The following RB1 variants were observed in gnomAD, a reference collection of about 807,000 sequenced individuals.
The protein encoded by RB1 is retinoblastoma-associated protein.
RB1 carries 18 observed loss-of-function variants against 135.4 expected under a neutral mutation model. The ratio of observed to expected loss-of-function variants is 0.13; its 90% confidence interval spans 0.09 to 0.20. The LOEUF (loss-of-function observed/expected upper bound fraction) is 0.20. RB1 is among the 10% of genes least tolerant of loss of function. RB1 has a pLI of 1.00. For synonymous variants in RB1, 365 were observed against 373.2 expected (o/e 0.98, Z 0.25); for missense variants, 868 against 1,110.0 (o/e 0.78, Z 3.10).
chr13:48,453,122 T>C lies in RB1; in HGVS notation c.1814+11T>C, dbSNP rs771369373. The C allele has an allele frequency of 3.9e-5, 62 of 1,607,706 alleles. No individual in the cohort carries two copies. Among genetic ancestry groups the C allele is most frequent in the Non-Finnish European group, 4.8e-5 (57 of 1,176,662 alleles). ...CACTGCAGCAGATATGTAAGCAAAA[T>C]ATATGTTATGTTGACCATTCAAACT... On this transcript the variant is annotated intron_variant, in intron 18 of 26. Coordinates refer to ENST00000267163, the MANE Select transcript of RB1 (RefSeq NM_000321.3).
In RB1 at chr13:48,377,218, C is replaced by T. The variant is rs185324642; in HGVS notation, c.1332+184C>T. On this transcript the variant is annotated intron_variant, in intron 13 of 26. Coordinates refer to ENST00000267163, the MANE Select transcript of RB1 (RefSeq NM_000321.3). ...TAACTTTATGGAAAACTACCTCCCA[C>T]CCCATTATAAAAACTATGTAATAAA... Among the ~76,000 whole-genome samples, 175 of 152,194 alleles carry T rather than the reference C, an allele frequency of 1.1e-3. 1 individual carries two copies. The South Asian group carries it at 0.018, about 15-fold the overall frequency.
At chr13:48,326,036 A>T (rs1035968760) in intron 2 of RB1, among the ~76,000 whole-genome samples, 1 of 151,954 alleles carries the variant, frequency 6.6e-6, no homozygotes, top group Non-Finnish European at 1.5e-5. Context: ...TTCTCTATCC[A>T]TTGCACTCTA....
At chr13:48,336,988 G>T (rs775001516) in intron 2 of RB1, among the ~76,000 whole-genome samples, 1 of 152,108 alleles carries the variant, frequency 6.6e-6, no homozygotes, top group Non-Finnish European at 1.5e-5. Flanking sequence ...GTAGTTATGC[G>T]GTTTTGAGTG....
At chr13:48,326,781 T>C (rs548716117) in intron 2 of RB1, among the ~76,000 whole-genome samples, 1 of 152,198 alleles carries the variant, frequency 6.6e-6, no homozygotes, top group South Asian at 2.1e-4. Context: ...AATATTGTAG[T>C]AGGAGTTTTC....
intron 2 of RB1, among the ~76,000 whole-genome samples, chr13:48,338,730 G>A (rs145781908): frequency 1.0e-3 from 153 of 152,330 alleles, no homozygotes; most frequent in African/African-American, 3.2e-3. Context: ...GAGGAGCTGC[G>A]TTCCTTTGGA....
intron 2 of RB1, chr13:48,318,873 G>T: frequency 8.8e-7 from 1 of 1,141,456 alleles, no homozygotes; most frequent in Non-Finnish European, 1.3e-6. Flanking sequence ...CAAAACGTCT[G>T]GATTTCCTGA....
At chr13:48,310,129 A>G (rs149041041) in intron 2 of RB1, among the ~76,000 whole-genome samples, 4 of 152,300 alleles carry the variant, frequency 2.6e-5, no homozygotes, top group African/African-American at 9.6e-5. Flanking sequence ...TCCTTGAAAT[A>G]TGATTTTAAG....
At chr13:48,316,621 A>G (rs1212967645) in intron 2 of RB1, among the ~76,000 whole-genome samples, 3 of 152,072 alleles carry the variant, frequency 2.0e-5, no homozygotes, top group Non-Finnish European at 4.4e-5. Context: ...TTACCAGGAC[A>G]CATCTGTTAA....
At chr13:48,326,019 C>G (rs1952284570) in intron 2 of RB1, among the ~76,000 whole-genome samples, 1 of 152,096 alleles carries the variant, frequency 6.6e-6, no homozygotes. Context: ...CCTACTTCTC[C>G]CTGAACTTCT....
chr13:48,472,382 T>C (rs1466251109), intron 23 of RB1, among the ~76,000 whole-genome samples: 2 of 152,184 alleles, frequency 1.3e-5, no homozygotes, highest in African/African-American at 4.8e-5. Flanking sequence ...CTTTATTTAT[T>C]TGGTGTTCTT....
At chr13:48,463,968 T>A in intron 21 of RB1, 133 bp downstream of exon 21, 1 of 582,192 alleles carries the variant, frequency 1.7e-6, no homozygotes, top group South Asian at 2.5e-5. Context: ...AATTCACAAA[T>A]AAAAACTTTT....
At chr13:48,398,807 A>G (rs1259266217) in intron 17 of RB1, among the ~76,000 whole-genome samples, 5 of 152,124 alleles carry the variant, frequency 3.3e-5, no homozygotes, top group Admixed American at 3.3e-4. Context: ...TAGTAAGTTA[A>G]TTTTATTCTA....
chr13:48,319,907 C>T lies in RB1; in HGVS notation c.264+12501C>T, dbSNP rs1282547560. 2 of 341,122 alleles carry T rather than the reference C, an allele frequency of 5.9e-6. No homozygotes were observed. The highest frequency in any genetic ancestry group is 1.1e-5 in the Non-Finnish European group (2 of 177,070). 21.1% of individuals were successfully genotyped at this position (341,122 alleles called of 1,614,324 possible). A position where few individuals can be genotyped will look rare whatever the true frequency, so the allele number is the denominator to read the frequency against. On this transcript the variant is annotated intron_variant, in intron 2 of 26. Transcript: ENST00000267163. The surrounding 1 kb of genome is among the most constrained non-coding windows in gnomAD (Gnocchi z 5.0). ...CTCACCTGGCTGCCAGGGCCACCACCTGAGCCAGGTACAAGTTTTGGGGGG... is the reference window on the plus strand; with the variant it reads ...CTCACCTGGCTGCCAGGGCCACCACTTGAGCCAGGTACAAGTTTTGGGGGG...
At position 48,471,472 on chromosome 13, in the gene RB1, A is replaced by G. The variant is rs1262118975; in HGVS notation, c.2490-1888A>G. ...TATACCTAATGCTAGATGACACGTT[A>G]GTGGGTGCAGCACACCAGCATGGCA... On this transcript the variant is annotated intron_variant, in intron 23 of 26. Transcript: ENST00000267163. 4.0e-5 allele frequency among the ~76,000 whole-genome samples: 5 copies of G among 125,526 alleles called. No individual in the cohort carries two copies. The East Asian group carries it at 7.3e-4, about 18-fold the overall frequency. 82.3% of individuals were successfully genotyped at this position (125,526 alleles called of 152,430 possible).
intron 11 of RB1, among the ~76,000 whole-genome samples, chr13:48,372,927 G>A (rs1952776739): frequency 6.6e-6 from 1 of 152,162 alleles, no homozygotes; most frequent in Non-Finnish European, 1.5e-5. Context: ...ATTTTATGCT[G>A]TGAAAGTGGT....
chr13:48,417,110 A>T lies in RB1; in HGVS notation c.1695+35667A>T, dbSNP rs1173939614. On this transcript the variant is annotated intron_variant, in intron 17 of 26. Transcript: ENST00000267163. Reference sequence around the variant, plus strand: ...GACTGCCTCCTCAAGTGGGTCTCTGACCCCCATGTCTCCTGACTGGGAAAC... The same window carrying T: ...GACTGCCTCCTCAAGTGGGTCTCTGTCCCCCATGTCTCCTGACTGGGAAAC... 3.3e-5 allele frequency: 5 copies of T among 152,150 alleles called. No homozygotes were observed. The South Asian group carries it at 8.3e-4, about 25-fold the overall frequency. The allele number at this position is 152,150 out of a possible 1,614,324, so 9.4% of individuals were successfully genotyped here.
intron 2 of RB1, among the ~76,000 whole-genome samples, chr13:48,333,922 GAGCA>G (rs1291307260): frequency 6.6e-6 from 1 of 152,036 alleles, no homozygotes; most frequent in Non-Finnish European, 1.5e-5. Context: ...AGGGACAAAT[GAGCA>G]AGCAAGCAAG....
At position 48,422,003 on chromosome 13, in the gene RB1, A is replaced by C. The variant is rs192687769; in HGVS notation, c.1696-30990A>C. Among the ~76,000 whole-genome samples the C allele has an allele frequency of 7.9e-3, 1,197 of 152,322 alleles. 21 individuals carry two copies. Among genetic ancestry groups the C allele is most frequent in the Non-Finnish European group, 6.4e-3 (434 of 68,028 alleles). ...AACCAGAAATACCATTTGACCCAGC[A>C]AGCCCATTACTGGGTATATACCCAA... On this transcript the variant is annotated intron_variant, in intron 17 of 26. Coordinates refer to ENST00000267163, the MANE Select transcript of RB1 (RefSeq NM_000321.3).
Position 48,304,055 on chromosome 13 carries a change from C to A in RB1, c.137+6C>A, listed in dbSNP as rs1273298763. 2.8e-6 allele frequency: 4 copies of A among 1,426,768 alleles called. No individual in the cohort carries two copies. Among genetic ancestry groups the A allele is most frequent in the Non-Finnish European group, 3.6e-6 (4 of 1,099,050 alleles). The allele number at this position is 1,426,768 out of a possible 1,614,324, so 88.4% of individuals were successfully genotyped here. On this transcript the variant is annotated splice_donor_region_variant and intron_variant, in intron 1 of 26. Transcript: ENST00000267163. ...GAGGACCTGCCTCTCGTCAGGTGAG[C>A]GAGCAGAGCCGCCGTCGCCTCACGC...
Sources: gnomAD v4.1 joint callset for allele counts (sites outside exome capture counted in the v4.1 genomes callset) on GRCh38, gnomAD v4.1.1 for gene constraint, Gnocchi (gnomAD v3.1) non-coding constraint, MANE v1.5 for transcripts, NCBI Gene and HGNC (gene_info 2026-07-23, HGNC 2026-07-21) for gene names.